The following SLC6A18 variants were observed in gnomAD, a reference collection of about 807,000 sequenced individuals.
SLC6A18 encodes the protein solute carrier family 6 member 18.
Under a neutral mutation model 62.9 loss-of-function variants are expected in SLC6A18, and 58 were observed. The ratio of observed to expected loss-of-function variants is 0.92; its 90% CI spans 0.75 to 1.15. The LOEUF is 1.15. Ranked by LOEUF, SLC6A18 falls within the 50% of genes most tolerant of loss-of-function variation. The pLI, the probability that SLC6A18 is intolerant of heterozygous loss-of-function variation, is 0.00. For synonymous variants in SLC6A18, 382 were observed against 365.8 expected (o/e 1.04, Z -0.51); for missense variants, 793 against 836.6 (o/e 0.95, Z 0.64).
rs190914195 is a variant in SLC6A18, at chr5:1,240,480, A to G, written c.846-51A>G. The G allele has an allele frequency of 2.7e-4, 438 of 1,607,050 alleles. 2 individuals carry two copies. The African/African-American group carries it at 5.3e-3, about 20-fold the overall frequency. ...CCCTCCTCACTTCCTCCCCTGGATG[A>G]GGCCCAGTTACCTCCTGCAAAGCCT... is the stretch of plus-strand genomic sequence containing the variant. On this transcript the variant is annotated intron_variant, in intron 6 of 11. Coordinates refer to ENST00000324642, the MANE Select transcript of SLC6A18 (RefSeq NM_182632.3).
intron 3 of SLC6A18, among the ~76,000 whole-genome samples, chr5:1,233,358 A>G (rs879937931): frequency 6.6e-6 from 1 of 152,070 alleles, no homozygotes; most frequent in Non-Finnish European, 1.5e-5. Flanking sequence ...GGCATCTGTA[A>G]TCCCAGCTAG....
At position 1,241,158 on chromosome 5, in the gene SLC6A18, C is replaced by T. The variant is rs1255682582; in HGVS notation, c.974+499C>T. Among the ~76,000 whole-genome samples the T allele has an allele frequency of 6.6e-6, 1 of 152,138 alleles. No homozygotes were observed. The highest frequency in any genetic ancestry group is 2.4e-5 in the African/African-American group (1 of 41,422). ...GTGGTTTTGAGGCACCATTGCTGGT[C>T]GTTTGCTGCGGTGGTCCCAGGACCT... On this transcript the variant is annotated intron_variant, in intron 7 of 11. Coordinates refer to ENST00000324642, the MANE Select transcript of SLC6A18 (RefSeq NM_182632.3). The surrounding 1 kb of genome is among the most constrained non-coding windows in gnomAD (Gnocchi z 7.8).
Position 1,238,344 on chromosome 5 carries a change from C to A in SLC6A18, c.732+284C>A, listed in dbSNP as rs71575514. Reference sequence around the variant, plus strand: ...CATCAGGTTTGGAGTGAGCCTGGGGCCTCAGGAAAGAGGTCAGGTTTGGAG... The same window carrying A: ...CATCAGGTTTGGAGTGAGCCTGGGGACTCAGGAAAGAGGTCAGGTTTGGAG... On this transcript the variant is annotated intron_variant, in intron 5 of 11. Transcript: ENST00000324642. 7.0e-4 allele frequency among the ~76,000 whole-genome samples: 73 copies of A among 104,856 alleles called. 1 individual carries two copies. The highest frequency in any genetic ancestry group is 2.6e-3 in the East Asian group (11 of 4,276). The allele number at this position is 104,856 out of a possible 152,430, so 68.8% of individuals were successfully genotyped here. A position where few individuals can be genotyped will look rare whatever the true frequency, so the allele number is the denominator to read the frequency against.
At chr5:1,245,510 G>A (rs983806479) in intron 11 of SLC6A18, among the ~76,000 whole-genome samples, 1 of 152,190 alleles carries the variant, frequency 6.6e-6, no homozygotes, top group Admixed American at 6.5e-5. Flanking sequence ...GGTGGGTGGT[G>A]CCACCCAGTG....
At chr5:1,234,818 A>G (rs534324147) in intron 3 of SLC6A18, among the ~76,000 whole-genome samples, 1 of 152,352 alleles carries the variant, frequency 6.6e-6, no homozygotes, top group South Asian at 2.1e-4. Context: ...TTGGGGCCCA[A>G]GGACAGTGTG....
chr5:1,238,567 C>A (rs577815399), intron 5 of SLC6A18, among the ~76,000 whole-genome samples: 2 of 76,888 alleles, frequency 2.6e-5, no homozygotes, highest in East Asian at 2.5e-4. Flanking sequence ...GAGCTTGGGG[C>A]CTCAGGAAAG....
intron 2 of SLC6A18, 54 bp downstream of exon 2, chr5:1,232,413 C>T: frequency 6.4e-7 from 1 of 1,569,442 alleles, no homozygotes; most frequent in Non-Finnish European, 8.7e-7. Flanking sequence ...CAGGGCCCTC[C>T]TGGATGAGAG....
At position 1,239,553 on chromosome 5, in the gene SLC6A18, A is replaced by C. The variant is rs1263519081; in HGVS notation, c.836A>C (p.Asn279Thr). Residue 279 changes from asparagine (N) to threonine (T), a missense_variant, in exon 6 of 12, where the codon AAC (asparagine) becomes ACC (threonine). Transcript: ENST00000324642. ...FGGHIAFASY[N>T]SPRNDCQKDA... ...GGACACATCGCTTTTGCAAGTTACA[A>C]CTCGCCCAGGTAGGCAGTCGGGCTC... 6.2e-7 allele frequency: 1 copy of C among 1,613,738 alleles called. No individual in the cohort carries two copies. The highest frequency in any genetic ancestry group is 2.2e-5 in the East Asian group (1 of 44,870).
intron 6 of SLC6A18, 50 bp downstream of exon 6, chr5:1,239,612 C>G: frequency 7.3e-7 from 1 of 1,366,754 alleles, no homozygotes. Flanking sequence ...GGGGAGACGC[C>G]CGAGCACTTC....
chr5:1,237,842 C>G lies in SLC6A18; in HGVS notation c.622-108C>G. On this transcript the variant is annotated intron_variant, in intron 4 of 11. Transcript: ENST00000324642. ...GTCCTGGTCAATCCCATACCAGAGG[C>G]AGCCACTCTGACCACAAGGGCGGTG... is the stretch of plus-strand genomic sequence containing the variant. 4.9e-6 allele frequency: 4 copies of G among 821,998 alleles called. No homozygotes were observed. The South Asian group carries it at 6.4e-5, about 13-fold the overall frequency. 50.9% of individuals were successfully genotyped at this position (821,998 alleles called of 1,614,324 possible). A position where few individuals can be genotyped will look rare whatever the true frequency, so the allele number is the denominator to read the frequency against.
In SLC6A18 at chr5:1,226,986, G is replaced by A. The variant is rs1252774044; in HGVS notation, c.160+1349G>A. ...CTTGCCCACCGACGCCTTGCCCACCGATGCCTTGCCCACCGATGCCTTGCC... is the reference window on the plus strand; with the variant it reads ...CTTGCCCACCGACGCCTTGCCCACCAATGCCTTGCCCACCGATGCCTTGCC... On this transcript the variant is annotated intron_variant, in intron 1 of 11. Transcript: ENST00000324642. Among the ~76,000 whole-genome samples the A allele has an allele frequency of 1.3e-5, 2 of 149,530 alleles. 1 individual carries two copies. Among genetic ancestry groups the A allele is most frequent in the South Asian group, 4.3e-4 (2 of 4,656 alleles).
At position 1,232,356 on chromosome 5, in the gene SLC6A18, G is replaced by A. The variant is rs761904129; in HGVS notation, c.298G>A (p.Val100Ile). The A allele has an allele frequency of 9.3e-6, 15 of 1,609,988 alleles. No homozygotes were observed. The Middle Eastern group carries it at 5.5e-4, about 60-fold the overall frequency. ...WTAISPYLSG[V>I]GLGCVTLSFL... Reference sequence around the variant, plus strand: ...GGCCATCTCCCCGTACCTCAGTGGAGTAGGTAGGCCACCGTCCTCGCTTGC... The same window carrying A: ...GGCCATCTCCCCGTACCTCAGTGGAATAGGTAGGCCACCGTCCTCGCTTGC... Residue 100 changes from valine (V) to isoleucine (I), a missense_variant, in exon 2 of 12, where the codon GTA (valine) becomes ATA (isoleucine). By Grantham distance (29) the Val-to-Ile change is conservative. Coordinates refer to ENST00000324642, the MANE Select transcript of SLC6A18 (RefSeq NM_182632.3).
intron 1 of SLC6A18, among the ~76,000 whole-genome samples, chr5:1,229,595 C>T (rs1339692170): frequency 6.6e-6 from 1 of 152,172 alleles, no homozygotes; most frequent in Non-Finnish European, 1.5e-5. Flanking sequence ...ACCCGGAGCC[C>T]CTGCCCACCG....
At position 1,246,015 on chromosome 5, in the gene SLC6A18, C is replaced by T. The variant is rs773537009; in HGVS notation, c.1824C>T (p.Asp608=). The T allele has an allele frequency of 6.3e-7, 1 of 1,595,930 alleles. No homozygotes were observed. The highest frequency in any genetic ancestry group is 1.7e-5 in the Admixed American group (1 of 59,320). The part of the protein sequence containing the change: ...WRDRDARPDT[D]MRPDTDTRPD... ...ACAGGGACGCGCGCCCAGACACGGA[C>T]ATGCGCCCGGACACGGACACGCGCC... Residue 608 remains aspartate (D), a synonymous_variant, in exon 12 of 12, where the codon GAC becomes GAT. Transcript: ENST00000324642.
chr5:1,235,463 C>T lies in SLC6A18; in HGVS notation c.440-18C>T, dbSNP rs1746857532. 6.2e-7 allele frequency: 1 copy of T among 1,610,494 alleles called. No individual in the cohort carries two copies. The highest frequency in any genetic ancestry group is 1.7e-5 in the Admixed American group (1 of 59,888). The stretch of plus-strand genomic sequence containing the variant: ...CCTACGCCCCACAGCCAGCCTGTGA[C>T]AGGCCCCCTGGTTTCAGGGTTTGTG... On this transcript the variant is annotated intron_variant, in intron 3 of 11. Coordinates refer to ENST00000324642, the MANE Select transcript of SLC6A18 (RefSeq NM_182632.3).
At chr5:1,245,336 A>G (rs1257194573) in intron 11 of SLC6A18, among the ~76,000 whole-genome samples, 2 of 151,906 alleles carry the variant, frequency 1.3e-5, no homozygotes, top group Admixed American at 6.6e-5. Context: ...CTGAGTCCCC[A>G]CTGGTGGCCG....
chr5:1,229,303 A>T (rs1029038051), intron 1 of SLC6A18, among the ~76,000 whole-genome samples: 1 of 151,810 alleles, frequency 6.6e-6, no homozygotes, highest in Non-Finnish European at 1.5e-5. Context: ...TCTCCCCTAA[A>T]CACAGAAACC....
chr5:1,227,840 C>G (rs1746621641), intron 1 of SLC6A18, among the ~76,000 whole-genome samples: 1 of 152,230 alleles, frequency 6.6e-6, no homozygotes, highest in Admixed American at 6.5e-5. Context: ...GCGATGGGTT[C>G]AGGCCAGCTG....
rs1250156624 is a variant in SLC6A18, at chr5:1,242,856, T to G, written c.1124T>G (p.Leu375Arg). ...PLKACLLEDFLDKSASGPGLA... is the reference protein window; with the variant it reads ...PLKACLLEDFRDKSASGPGLA... Reference sequence around the variant, plus strand: ...AAGGCCTGCCTCCTGGAAGACTTTCTGGATAAGGTACCTGCACACCCCCTG... The same window carrying G: ...AAGGCCTGCCTCCTGGAAGACTTTCGGGATAAGGTACCTGCACACCCCCTG... The change falls in exon 8 of 12, where the codon CTG (leucine) becomes CGG (arginine). Residue 375 changes from leucine to arginine, a missense_variant. Transcript: ENST00000324642. The G allele has an allele frequency of 1.2e-6, 2 of 1,609,594 alleles. No homozygotes were observed. Among genetic ancestry groups the G allele is most frequent in the Non-Finnish European group, 1.7e-6 (2 of 1,177,584 alleles).
Sources: gnomAD v4.1 joint callset for allele counts (sites outside exome capture counted in the v4.1 genomes callset) on GRCh38, gnomAD v4.1.1 for gene constraint, Gnocchi (gnomAD v3.1) non-coding constraint, MANE v1.5 for transcripts, NCBI Gene and HGNC (gene_info 2026-07-23, HGNC 2026-07-21) for gene names.